The following PDPK1 variants were observed in gnomAD, a reference collection of about 807,000 sequenced individuals.
The protein encoded by PDPK1 is 3-phosphoinositide dependent protein kinase 1, also known as 3-phosphoinositide-dependent protein kinase 1.
A neutral mutation model predicts 39.8 loss-of-function variants in PDPK1; 7 were observed. That is an observed-to-expected ratio of 0.18 (90% CI 0.10 to 0.33). PDPK1 has a LOEUF of 0.33. Ranked by LOEUF, PDPK1 falls within the 10% of genes least tolerant of loss-of-function variation. The pLI is 1.00. For missense variants in PDPK1, 182 were observed against 384.7 expected, an observed-to-expected ratio of 0.47 and a Z score of 4.41; for synonymous variants, 118 against 159.1, an observed-to-expected ratio of 0.74 and a Z score of 1.95.
rs550813362 is a variant in PDPK1, at chr16:2,601,507, C to T, written c.*3740C>T. ...CGTGTCCACAATGGTACTGAATTTG[C>T]ATCTGCACAGTCAGCAGAGATAACA... On this transcript the variant is annotated 3_prime_UTR_variant, in exon 14 of 14. Coordinates refer to ENST00000342085, the MANE Select transcript of PDPK1 (RefSeq NM_002613.5). 8.5e-6 allele frequency: 2 copies of T among 234,382 alleles called. No homozygotes were observed. The highest frequency in any genetic ancestry group is 1.8e-4 in the South Asian group (1 of 5,510). 14.5% of individuals were successfully genotyped at this position (234,382 alleles called of 1,614,324 possible).
At chr16:2,546,369 T>C (rs1435236419) in intron 1 of PDPK1, among the ~76,000 whole-genome samples, 2 of 151,784 alleles carry the variant, frequency 1.3e-5, no homozygotes, top group Admixed American at 1.3e-4. Context: ...AGTCTCGCTC[T>C]GTCGCCCAGT....
chr16:2,594,860 G>A lies in PDPK1; in HGVS notation c.1344-933G>A, dbSNP rs113481018. ...TAGCCTGGCGGGCACAGTGGCTCAC[G>A]CCTATAATCCCAGCACTTTGGGAGG... On this transcript the variant is annotated intron_variant, in intron 11 of 13. Coordinates refer to ENST00000342085, the MANE Select transcript of PDPK1 (RefSeq NM_002613.5). 3.0e-3 allele frequency among the ~76,000 whole-genome samples: 458 copies of A among 152,166 alleles called. 3 individuals are homozygous for A. The highest frequency in any genetic ancestry group is 0.01 in the African/African-American group (434 of 41,504).
intron 11 of PDPK1, among the ~76,000 whole-genome samples, chr16:2,589,231 C>T (rs1197270065): frequency 1.3e-5 from 2 of 152,196 alleles, no homozygotes; most frequent in Non-Finnish European, 2.9e-5. Context: ...GCTGGGATTT[C>T]AGGTGTGAGC....
At position 2,557,935 on chromosome 16, in the gene PDPK1, A is replaced by G; in HGVS notation, c.257A>G (p.Lys86Arg). The G allele has an allele frequency of 2.5e-6, 4 of 1,612,542 alleles. No homozygotes were observed. Among genetic ancestry groups the G allele is most frequent in the East Asian group, 2.2e-5 (1 of 44,830 alleles). ...CGGCCTGAGGACTTCAAGTTTGGGA[A>G]AATCCTTGGGGAAGGCTCTTTTTCC... ...KKRPEDFKFG[K>R]ILGEGSFSTV... is the part of the protein sequence containing the mutation. The change falls in exon 2 of 14, where the codon AAA becomes AGA. Residue 86 changes from lysine (K) to arginine (R), a missense_variant. This residue lies in a region of PDPK1 where 8 missense variants were observed against 146.1 expected (regional missense o/e 0.05). Coordinates refer to ENST00000342085, the MANE Select transcript of PDPK1 (RefSeq NM_002613.5).
chr16:2,602,910 A>C lies in PDPK1; in HGVS notation c.*5143A>C, dbSNP rs2067247340. ...CAGTCTGTGTTATTTAAATTCTAAT[A>C]TATGAATTATTTGAATTGAATTCAT... On this transcript the variant is annotated 3_prime_UTR_variant, in exon 14 of 14. Coordinates refer to ENST00000342085, the MANE Select transcript of PDPK1 (RefSeq NM_002613.5). 4.3e-6 allele frequency: 1 copy of C among 232,588 alleles called. No homozygotes were observed. Among genetic ancestry groups the C allele is most frequent in the Non-Finnish European group, 8.5e-6 (1 of 117,496 alleles). The allele number at this position is 232,588 out of a possible 1,614,324, so 14.4% of individuals were successfully genotyped here.
chr16:2,590,599 G>A (rs549238662), intron 11 of PDPK1, among the ~76,000 whole-genome samples: 7 of 152,192 alleles, frequency 4.6e-5, no homozygotes, highest in African/African-American at 7.2e-5. Context: ...GCAAACCGCC[G>A]TTATGCAGAC....
chr16:2,545,739 C>T (rs141690621), intron 1 of PDPK1, among the ~76,000 whole-genome samples: 2 of 152,266 alleles, frequency 1.3e-5, no homozygotes, highest in East Asian at 1.9e-4. Flanking sequence ...ATGATTCACC[C>T]GCCTTGGCCT....
intron 1 of PDPK1, among the ~76,000 whole-genome samples, chr16:2,539,967 G>C (rs1289249078): frequency 6.6e-6 from 1 of 152,360 alleles, no homozygotes; most frequent in East Asian, 1.9e-4. Flanking sequence ...CAGTGAGCAA[G>C]AATGATAGAA....
chr16:2,587,613 A>G (rs2066904126), intron 11 of PDPK1, among the ~76,000 whole-genome samples: 2 of 152,058 alleles, frequency 1.3e-5, no homozygotes, highest in African/African-American at 4.8e-5. Flanking sequence ...GGTTCAAGCA[A>G]TTCTCCTGCC....
chr16:2,538,647 C>G (rs1229752644), intron 1 of PDPK1: 1 of 1,288,938 alleles, frequency 7.8e-7, no homozygotes, highest in African/African-American at 1.5e-5. Context: ...CGGGAAAACT[C>G]GCCTTTCACG....
chr16:2,590,746 C>T (rs1384241716), intron 11 of PDPK1, among the ~76,000 whole-genome samples: 1 of 152,202 alleles, frequency 6.6e-6, no homozygotes, highest in Non-Finnish European at 1.5e-5. Flanking sequence ...AAACTTTATT[C>T]ATTACTGTGA....
Position 2,599,935 on chromosome 16 carries a change from C to T in PDPK1, c.*2168C>T, listed in dbSNP as rs1389823202. The T allele has an allele frequency of 1.7e-5, 4 of 233,208 alleles. No individual in the cohort carries two copies. The highest frequency in any genetic ancestry group is 2.5e-5 in the Non-Finnish European group (3 of 118,070). 14.4% of individuals were successfully genotyped at this position (233,208 alleles called of 1,614,324 possible). A position where few individuals can be genotyped will look rare whatever the true frequency, so the allele number is the denominator to read the frequency against. ...CGTCACTGACAAGCTCCATCTTAACCTCCAAAGCCACAGAACTAGGGGCTC... is the reference window on the plus strand; with the variant it reads ...CGTCACTGACAAGCTCCATCTTAACTTCCAAAGCCACAGAACTAGGGGCTC... On this transcript the variant is annotated 3_prime_UTR_variant, in exon 14 of 14. Coordinates refer to ENST00000342085, the MANE Select transcript of PDPK1 (RefSeq NM_002613.5).
In PDPK1 at chr16:2,601,430, T is replaced by G. The variant is rs2067212767; in HGVS notation, c.*3663T>G. On this transcript the variant is annotated 3_prime_UTR_variant, in exon 14 of 14. Transcript: ENST00000342085. ...CCTGGCTCTGCCTGCATGTCAGCTCTCTGCCCTCCCTGCTGCCGTGGCTTT... is the reference window on the plus strand; with the variant it reads ...CCTGGCTCTGCCTGCATGTCAGCTCGCTGCCCTCCCTGCTGCCGTGGCTTT... 1 of 234,596 alleles carries G rather than the reference T, an allele frequency of 4.3e-6. No homozygotes were observed. The highest frequency in any genetic ancestry group is 2.2e-5 in the African/African-American group (1 of 45,336). The allele number at this position is 234,596 out of a possible 1,614,324, so 14.5% of individuals were successfully genotyped here. A position where few individuals can be genotyped will look rare whatever the true frequency, so the allele number is the denominator to read the frequency against.
chr16:2,546,721 C>T (rs1184664412), intron 1 of PDPK1, among the ~76,000 whole-genome samples: 2 of 152,174 alleles, frequency 1.3e-5, no homozygotes, highest in East Asian at 1.9e-4. Flanking sequence ...GGCAAGGTGC[C>T]ATGAGGCTTT....
In PDPK1 at chr16:2,600,026, T is replaced by G; in HGVS notation, c.*2259T>G. On this transcript the variant is annotated 3_prime_UTR_variant, in exon 14 of 14. Coordinates refer to ENST00000342085, the MANE Select transcript of PDPK1 (RefSeq NM_002613.5). ...GCCTGAGCTGACAGCCAAGCCCTTCTGTGGGTCACCTTTCTCCTCACCCAG... is the reference window on the plus strand; with the variant it reads ...GCCTGAGCTGACAGCCAAGCCCTTCGGTGGGTCACCTTTCTCCTCACCCAG... The G allele has an allele frequency of 1.3e-5, 3 of 233,274 alleles. No individual in the cohort carries two copies. The Admixed American group carries it at 1.7e-4, about 13-fold the overall frequency. The allele number at this position is 233,274 out of a possible 1,614,324, so 14.5% of individuals were successfully genotyped here.
chr16:2,586,985 C>G, intron 11 of PDPK1, 92 bp downstream of exon 11: 1 of 1,072,864 alleles, frequency 9.3e-7, no homozygotes, highest in Non-Finnish European at 1.4e-6. Flanking sequence ...TTGTCACTGC[C>G]TCCCTCAGCA....
chr16:2,573,718 C>G (rs1378311772), intron 6 of PDPK1, among the ~76,000 whole-genome samples: 2 of 111,878 alleles, frequency 1.8e-5, no homozygotes, highest in Non-Finnish European at 1.7e-5. Context: ...GGCAACAGAG[C>G]GAGACTTTGT....
intron 1 of PDPK1, among the ~76,000 whole-genome samples, chr16:2,540,301 C>T (rs12930704): frequency 2.0e-5 from 3 of 152,176 alleles, no homozygotes; most frequent in Non-Finnish European, 4.4e-5. Context: ...CAGTCTGATG[C>T]TAAGTGGGCC....
At chr16:2,587,587 C>A (rs1359418897) in intron 11 of PDPK1, among the ~76,000 whole-genome samples, 2 of 152,108 alleles carry the variant, frequency 1.3e-5, no homozygotes, top group Non-Finnish European at 2.9e-5. Context: ...CAGCTCACTG[C>A]AACCTCTGCC....
Sources: gnomAD v4.1 joint callset for allele counts (sites outside exome capture counted in the v4.1 genomes callset) on GRCh38, gnomAD v4.1.1 for gene constraint, gnomAD v4.1.1 regional missense constraint, MANE v1.5 for transcripts, NCBI Gene and HGNC (gene_info 2026-07-23, HGNC 2026-07-21) for gene names.